Variants in NCALD observed in about 807,000 individuals in gnomAD.
The protein encoded by NCALD is neurocalcin-delta.
In NCALD, 10 loss-of-function variants were observed where a neutral mutation model predicts 18.6. The ratio of observed to expected loss-of-function variants is 0.54; its 90% CI spans 0.33 to 0.91. NCALD has a LOEUF of 0.91. Among genes scored for constraint, NCALD ranks in the 40% least tolerant of loss-of-function variants. The pLI is 0.03. For synonymous variants in NCALD, 88 were observed against 87.4 expected (o/e 1.01, Z -0.04); for missense variants, 184 against 247.6 (o/e 0.74, Z 1.72).
At chr8:101,871,583 C>CTTTT (rs3056946) in intron 4 of NCALD, among the ~76,000 whole-genome samples, 1 of 138,844 alleles carries the variant, frequency 7.2e-6, no homozygotes, top group African/African-American at 2.6e-5. Flanking sequence ...TTCAGATTTT[C>CTTTT]TTTTTTTTTT....
At position 101,721,252 on chromosome 8, in the gene NCALD, T is replaced by G. The variant is rs192332789; in HGVS notation, c.-19-1604A>C. ...ATCCCCATTTTAATGATTGCCAATC[T>G]TCTTTGCGATTTCACGCATTCTGGG... On this transcript the variant is annotated intron_variant, in intron 1 of 3. Coordinates refer to ENST00000220931, the MANE Select transcript of NCALD (RefSeq NM_032041.3). 2.0e-5 allele frequency: 3 copies of G among 152,446 alleles called. No homozygotes were observed. In the East Asian group the frequency reaches 5.8e-4, roughly 29 times the overall value. 9.4% of individuals were successfully genotyped at this position (152,446 alleles called of 1,614,324 possible).
chr8:102,009,007 T>C (rs1821813004), intron 2 of NCALD, among the ~76,000 whole-genome samples: 1 of 145,632 alleles, frequency 6.9e-6, no homozygotes, highest in Non-Finnish European at 1.5e-5. Context: ...GTCTCTCCTA[T>C]ACCTTCAATC....
At chr8:102,105,330 C>T (rs566091691) in intron 1 of NCALD, among the ~76,000 whole-genome samples, 24 of 152,326 alleles carry the variant, frequency 1.6e-4, no homozygotes, top group Admixed American at 2.6e-4. Flanking sequence ...CTATGAACCA[C>T]TTCCCATTCC....
chr8:101,863,527 A>G (rs1815632260), intron 4 of NCALD, among the ~76,000 whole-genome samples: 1 of 151,772 alleles, frequency 6.6e-6, no homozygotes, highest in African/African-American at 2.4e-5. Context: ...AGGGGGATTT[A>G]GGCTGGCATT....
At chr8:102,060,277 G>A (rs1009856003) in intron 1 of NCALD, among the ~76,000 whole-genome samples, 8 of 152,148 alleles carry the variant, frequency 5.3e-5, no homozygotes, top group Non-Finnish European at 1.0e-4. Context: ...CACTGCGCCC[G>A]GCCTGAAGTT....
At chr8:101,835,709 A>C (rs1390499447) in intron 4 of NCALD, among the ~76,000 whole-genome samples, 1 of 151,976 alleles carries the variant, frequency 6.6e-6, no homozygotes, top group African/African-American at 2.4e-5. Flanking sequence ...TGTGTGTGTG[A>C]GTGTGTGTGC....
chr8:102,113,513 G>A (rs529349817), intron 1 of NCALD, among the ~76,000 whole-genome samples: 2 of 152,316 alleles, frequency 1.3e-5, no homozygotes, highest in East Asian at 1.9e-4. Context: ...CAAATCTCAT[G>A]TTTTTATTTC....
chr8:101,732,441 T>G (rs78217894), intron 1 of NCALD, among the ~76,000 whole-genome samples: 1,731 of 152,208 alleles, frequency 0.011, 37 homozygotes, highest in African/African-American at 0.039. Context: ...AGTTCATAAT[T>G]TTTTTATTTA....
rs962319778 is a variant in NCALD, at chr8:101,687,506, G to T, written c.*1803C>A. On this transcript the variant is annotated 3_prime_UTR_variant, in exon 4 of 4. Coordinates refer to ENST00000220931, the MANE Select transcript of NCALD (RefSeq NM_032041.3). ...TCTCAAAATTTCACCCTATGGATTT[G>T]GTTCTTTTTGGTCTACCATACAAAT... is the stretch of plus-strand genomic sequence containing the variant. The T allele has an allele frequency of 1.3e-5, 2 of 152,622 alleles. No individual in the cohort carries two copies. The highest frequency in any genetic ancestry group is 3.8e-4 in the East Asian group (2 of 5,200). 9.5% of individuals were successfully genotyped at this position (152,622 alleles called of 1,614,324 possible).
intron 2 of NCALD, among the ~76,000 whole-genome samples, chr8:101,954,279 G>A (rs909646887): frequency 2.6e-5 from 4 of 152,152 alleles, no homozygotes; most frequent in African/African-American, 9.7e-5. Flanking sequence ...AGGCCAGAAC[G>A]TTTTCTCCTT....
intron 1 of NCALD, among the ~76,000 whole-genome samples, chr8:101,723,890 T>C (rs1211567719): frequency 7.9e-5 from 12 of 151,942 alleles, no homozygotes; most frequent in Admixed American, 7.3e-4. Flanking sequence ...TATCTTTTCA[T>C]GTTTGTTTGT....
intron 1 of NCALD, among the ~76,000 whole-genome samples, chr8:102,031,713 A>C (rs1431101044): frequency 1.3e-5 from 2 of 152,216 alleles, no homozygotes; most frequent in Non-Finnish European, 2.9e-5. Flanking sequence ...CTATTGAAGG[A>C]AGGTGAGCAA....
intron 2 of NCALD, among the ~76,000 whole-genome samples, chr8:101,918,525 T>C (rs1431150237): frequency 6.6e-6 from 1 of 152,052 alleles, no homozygotes; most frequent in Non-Finnish European, 1.5e-5. Flanking sequence ...GGCATCCGAA[T>C]AGGAAAAGAA....
At chr8:102,110,309 A>C (rs1435082186) in intron 1 of NCALD, among the ~76,000 whole-genome samples, 3 of 152,262 alleles carry the variant, frequency 2.0e-5, no homozygotes, top group Non-Finnish European at 4.4e-5. Context: ...GAAGAAATGC[A>C]ACTAGTATAT....
At chr8:101,960,892 T>C (rs1456555709) in intron 2 of NCALD, among the ~76,000 whole-genome samples, 3 of 152,146 alleles carry the variant, frequency 2.0e-5, no homozygotes, top group Non-Finnish European at 4.4e-5. Flanking sequence ...TGAGACACTC[T>C]TCTTGTCACT....
chr8:102,084,639 T>C (rs1824675272), intron 1 of NCALD, among the ~76,000 whole-genome samples: 1 of 152,136 alleles, frequency 6.6e-6, no homozygotes, highest in African/African-American at 2.4e-5. Context: ...ATACACAAGC[T>C]CACTTGAGGC....
intron 4 of NCALD, among the ~76,000 whole-genome samples, chr8:101,841,334 C>A (rs371694143): frequency 1.4e-4 from 21 of 152,286 alleles, no homozygotes; most frequent in Middle Eastern, 3.4e-3. Flanking sequence ...ATGACAAACA[C>A]CCCTTGCTGT....
At chr8:101,839,356 G>C (rs1814545494) in intron 4 of NCALD, among the ~76,000 whole-genome samples, 1 of 152,130 alleles carries the variant, frequency 6.6e-6, no homozygotes, top group Non-Finnish European at 1.5e-5. Flanking sequence ...GGGAGGTTGG[G>C]GTGGCAGGAG....
chr8:102,089,065 C>T (rs1178329347), intron 1 of NCALD, among the ~76,000 whole-genome samples: 1 of 152,180 alleles, frequency 6.6e-6, no homozygotes. Context: ...TTTCCTGGCC[C>T]TGGGGTCCAC....
Sources: gnomAD v4.1 joint callset for allele counts (sites outside exome capture counted in the v4.1 genomes callset) on GRCh38, gnomAD v4.1.1 for gene constraint, MANE v1.5 for transcripts, NCBI Gene and HGNC (gene_info 2026-07-23, HGNC 2026-07-21) for gene names.